Variants in FSTL4 observed in about 807,000 individuals in gnomAD.
FSTL4 encodes follistatin-related protein 4.
In FSTL4, 28 loss-of-function variants were observed where a neutral mutation model predicts 78.2. The observed-to-expected ratio is 0.36, with a 90% confidence interval of 0.27 to 0.49. FSTL4 has a LOEUF of 0.49. FSTL4 is among the 20% of genes least tolerant of loss of function. The pLI, the probability that FSTL4 is intolerant of heterozygous loss-of-function variation, is 0.98. For synonymous variants in FSTL4, 422 were observed against 440.5 expected (o/e 0.96, Z 0.53); for missense variants, 922 against 1,084.9 (o/e 0.85, Z 2.11).
chr5:133,697,265 C>G, the FSTL4 span, among the ~76,000 whole-genome samples: 8 of 152,178 alleles, frequency 5.3e-5, no homozygotes, highest in Admixed American at 2.0e-4. Flanking sequence ...AGGAAGGACT[C>G]GGTGGGGCTA....
At chr5:133,524,798 C>T (rs546409786) in intron 3 of FSTL4, among the ~76,000 whole-genome samples, 6 of 152,346 alleles carry the variant, frequency 3.9e-5, no homozygotes, top group African/African-American at 7.2e-5. Flanking sequence ...GCAGCCATCC[C>T]GCTGCCTGGC....
chr5:133,746,869 C>T, the FSTL4 span, among the ~76,000 whole-genome samples: 2 of 152,150 alleles, frequency 1.3e-5, no homozygotes. Context: ...CCTGGTTTAG[C>T]TCTGAGAATA....
chr5:133,479,271 C>G (rs1354992359), intron 3 of FSTL4, among the ~76,000 whole-genome samples: 1 of 151,974 alleles, frequency 6.6e-6, no homozygotes, highest in Non-Finnish European at 1.5e-5. Context: ...GTGCTGGGCA[C>G]AAAAAAGGAG....
chr5:133,613,176 A>G (rs574537522), upstream of FSTL4, among the ~76,000 whole-genome samples: 45 of 152,248 alleles, frequency 3.0e-4, no homozygotes, highest in South Asian at 2.9e-3. Context: ...GGGGCTCCCA[A>G]ACTTTTCTGA....
chr5:133,199,139 C>G lies in FSTL4; in HGVS notation c.2485G>C (p.Gly829Arg). ...ACCACTGTGGTCCCCCCCTTTATACCTGACACCTCACACCGCAGCGTGTTT... is the reference window on the plus strand; with the variant it reads ...ACCACTGTGGTCCCCCCCTTTATACGTGACACCTCACACCGCAGCGTGTTT... ...RQNTLRCEVS[G>R]IKGGTTVVWV... The change falls in exon 16 of 16, where the codon GGT (glycine) becomes CGT (arginine). Residue 829 changes from glycine (G) to arginine (R), a missense_variant. Physicochemically the swap from Gly to Arg is moderately radical, Grantham distance 125 (BLOSUM62 -2). Coordinates refer to ENST00000265342, the MANE Select transcript of FSTL4 (RefSeq NM_015082.2). This position sits in a 1 kb window ranked among gnomAD's most constrained non-coding sequence, Gnocchi z 4.4. 2 of 1,585,384 alleles carry G rather than the reference C, an allele frequency of 1.3e-6. No individual in the cohort carries two copies. Among genetic ancestry groups the G allele is most frequent in the Non-Finnish European group, 1.7e-6 (2 of 1,162,922 alleles).
rs146689534 is a variant in FSTL4, at chr5:133,443,013, A to G, written c.161-42027T>C. On this transcript the variant is annotated intron_variant, in intron 3 of 15. Coordinates refer to ENST00000265342, the MANE Select transcript of FSTL4 (RefSeq NM_015082.2). Reference sequence around the variant, plus strand: ...AAGAATACTTCTGAAGATTCCATTTATCAGAAAATTGTTACCTCTAAATAC... The same window carrying G: ...AAGAATACTTCTGAAGATTCCATTTGTCAGAAAATTGTTACCTCTAAATAC... Among the ~76,000 whole-genome samples, 1,105 of 152,370 alleles carry G rather than the reference A, an allele frequency of 7.3e-3. 15 individuals carry two copies. Among genetic ancestry groups the G allele is most frequent in the African/African-American group, 0.024 (999 of 41,580 alleles).
intron 3 of FSTL4, among the ~76,000 whole-genome samples, chr5:133,494,627 T>C (rs2112871436): frequency 6.6e-6 from 1 of 152,368 alleles, no homozygotes; most frequent in East Asian, 1.9e-4. Context: ...GGGATTCCTA[T>C]CATAGGTTTT....
chr5:133,369,358 C>G (rs554927267), intron 4 of FSTL4, among the ~76,000 whole-genome samples: 1 of 152,338 alleles, frequency 6.6e-6, no homozygotes, highest in South Asian at 2.1e-4. Context: ...CCTCCCTGGG[C>G]TCATTGCTCC....
chr5:133,806,842 C>T, the FSTL4 span, among the ~76,000 whole-genome samples: 6 of 152,286 alleles, frequency 3.9e-5, no homozygotes, highest in South Asian at 4.1e-4. Context: ...GGGCACCCTG[C>T]TCCGCATAAA....
chr5:133,417,351 A>C (rs1756597122), intron 3 of FSTL4, among the ~76,000 whole-genome samples: 1 of 125,882 alleles, frequency 7.9e-6, no homozygotes, highest in African/African-American at 5.5e-5. Flanking sequence ...AAAAGAATGA[A>C]AAAAAAAATT....
At chr5:133,297,066 C>A (rs946062294) in intron 6 of FSTL4, among the ~76,000 whole-genome samples, 2 of 151,970 alleles carry the variant, frequency 1.3e-5, no homozygotes, top group African/African-American at 4.8e-5. Context: ...ATAATTGCAC[C>A]CTTTGATGGA....
the FSTL4 span, among the ~76,000 whole-genome samples, chr5:133,643,707 G>A: frequency 0.24 from 35,977 of 151,882 alleles, 4,774 homozygotes; most frequent in Admixed American, 0.35. Context: ...ATTAACAGAT[G>A]GTGCCCCGAT....
intron 2 of FSTL4, among the ~76,000 whole-genome samples, chr5:133,597,182 G>A (rs970700031): frequency 1.3e-5 from 2 of 152,192 alleles, no homozygotes; most frequent in African/African-American, 4.8e-5. Context: ...CAGTGGCAGA[G>A]ACCACAGCCA....
chr5:133,210,404 C>T lies in FSTL4; in HGVS notation c.1609-106G>A, dbSNP rs543164427. 8 of 581,604 alleles carry T rather than the reference C, an allele frequency of 1.4e-5. No individual in the cohort carries two copies. The African/African-American group carries it at 1.5e-4, about 11-fold the overall frequency. 36.0% of individuals were successfully genotyped at this position (581,604 alleles called of 1,614,324 possible). ...GGCGAGGGGAAAGCCAGTCTAGAAG[C>T]CTTGCCAATGGTTCCATTTGGGAAC... On this transcript the variant is annotated intron_variant, in intron 13 of 15. Coordinates refer to ENST00000265342, the MANE Select transcript of FSTL4 (RefSeq NM_015082.2).
At chr5:133,627,639 A>G in the FSTL4 span, among the ~76,000 whole-genome samples, 1 of 152,308 alleles carries the variant, frequency 6.6e-6, no homozygotes, top group East Asian at 1.9e-4. Flanking sequence ...TTATATTTGA[A>G]GTGAATTTCT....
chr5:133,791,905 G>T, the FSTL4 span, among the ~76,000 whole-genome samples: 3 of 152,182 alleles, frequency 2.0e-5, no homozygotes, highest in East Asian at 1.9e-4. Context: ...CCCACTGATC[G>T]CATTTTGCTC....
At chr5:133,706,021 T>C in the FSTL4 span, among the ~76,000 whole-genome samples, 3 of 152,312 alleles carry the variant, frequency 2.0e-5, no homozygotes, top group East Asian at 5.8e-4. Flanking sequence ...ATGGGCTGAG[T>C]GCATCCCTGC....
chr5:133,315,947 G>A (rs1202670884), intron 5 of FSTL4, among the ~76,000 whole-genome samples: 3 of 152,202 alleles, frequency 2.0e-5, no homozygotes, highest in Non-Finnish European at 2.9e-5. Context: ...GGGGAGGGAG[G>A]CAAACCTCAG....
intron 3 of FSTL4, among the ~76,000 whole-genome samples, chr5:133,564,500 T>G (rs988028305): frequency 6.6e-6 from 1 of 152,144 alleles, no homozygotes; most frequent in African/African-American, 2.4e-5. Flanking sequence ...TGCACTTACT[T>G]TAAGAAACAA....
Sources: allele counts gnomAD v4.1 joint callset (sites outside exome capture counted in the v4.1 genomes callset), GRCh38; gene constraint gnomAD v4.1.1; non-coding constraint Gnocchi (gnomAD v3.1); transcripts MANE v1.5; gene names NCBI Gene and HGNC (gene_info 2026-07-23, HGNC 2026-07-21).